The following CARHSP1 variants were observed in gnomAD, a reference collection of about 807,000 sequenced individuals.
The protein encoded by CARHSP1 is calcium regulated heat stable protein 1.
In CARHSP1, 14 loss-of-function variants were observed where a neutral mutation model predicts 12.5. That is an observed-to-expected ratio of 1.12 (90% CI 0.74 to 1.75). The LOEUF (loss-of-function observed/expected upper bound fraction) is 1.75, where lower values mean the gene tolerates loss of function less well. CARHSP1 is among the 40% of genes most tolerant of loss of function. The pLI is 0.00. For missense variants in CARHSP1, 343 were observed against 201.6 expected, an observed-to-expected ratio of 1.70 and a Z score of -4.25; for synonymous variants, 161 against 82.0, an observed-to-expected ratio of 1.96 and a Z score of -5.20.
At chr16:8,858,879 A>T (rs1596532945) in intron 2 of CARHSP1, 1 of 414,612 alleles carries the variant, frequency 2.4e-6, no homozygotes, top group East Asian at 3.9e-5. Context: ...CAGAATTCAC[A>T]GTCTCACAGG....
At chr16:8,860,153 G>A (rs1416907560) in intron 1 of CARHSP1, 4 of 985,348 alleles carry the variant, frequency 4.1e-6, no homozygotes, top group Non-Finnish European at 4.8e-6. Flanking sequence ...GTCGCAGAGA[G>A]CTCAAGCGCC....
At chr16:8,861,423 C>G (rs75831927) in intron 1 of CARHSP1, among the ~76,000 whole-genome samples, 6,907 of 151,832 alleles carry the variant, frequency 0.045, 230 homozygotes, top group Middle Eastern at 0.14. Context: ...TTTGCCCCCC[C>G]AGTCCCCTCA....
At position 8,861,158 on chromosome 16, in the gene CARHSP1, ATTTTTTTTTTTTTTTTTTTTTTTT is replaced by A. The variant is rs765114977; in HGVS notation, c.-7-1847_-7-1824del. 6.0e-4 allele frequency among the ~76,000 whole-genome samples: 31 copies of A among 51,270 alleles called. No individual in the cohort carries two copies. In the East Asian group the frequency reaches 9.6e-3, roughly 16 times the overall value. 33.6% of individuals were successfully genotyped at this position (51,270 alleles called of 152,430 possible). On this transcript the variant is annotated intron_variant, in intron 1 of 3. Transcript: ENST00000311052. ...ACTGTAGCCTTGACCTCCATGCCTA[ATTTTTTTTTTTTTTTTTTTTTTTT>A]TTTTTTTTTTTTTTTTTATAGAGAC...
chr16:8,863,804 G>A (rs1022153563), intron 1 of CARHSP1, among the ~76,000 whole-genome samples: 20 of 152,188 alleles, frequency 1.3e-4, no homozygotes, highest in African/African-American at 4.6e-4. Flanking sequence ...AGCCAGCTCT[G>A]AGGCCCTGGC....
chr16:8,860,536 G>GGTAA (rs1355092380), intron 1 of CARHSP1: 4 of 985,238 alleles, frequency 4.1e-6, no homozygotes, highest in East Asian at 1.1e-4. Flanking sequence ...GAGGCCCTTG[G>GGTAA]GTAAGTCCTT....
At chr16:8,858,164 T>G (rs2061210398) in intron 3 of CARHSP1, 186 bp downstream of exon 3, 1 of 658,038 alleles carries the variant, frequency 1.5e-6, no homozygotes. Context: ...CTCCGTAGAG[T>G]CTCACAACCC....
At chr16:8,868,915 G>A (rs1473145713) in intron 1 of CARHSP1, 51 bp downstream of exon 1, 2 of 151,990 alleles carry the variant, frequency 1.3e-5, no homozygotes, top group Admixed American at 6.5e-5. Flanking sequence ...CGGCTCCCGG[G>A]GCCGCGGGCC....
In CARHSP1 at chr16:8,859,186, G is replaced by A. The variant is rs368082559; in HGVS notation, c.143C>T (p.Thr48Met). ...VVPSPLPTRR[T>M]RTFSATVRAS... The stretch of plus-strand genomic sequence containing the variant: ...CCAGACTCACGCCGAGAAGGTCCTC[G>A]TCCGGCGAGTGGGCAGTGGGCTTGG... Residue 48 changes from threonine to methionine, a missense_variant, in exon 2 of 4, where the codon ACG (threonine) becomes ATG (methionine). Transcript: ENST00000311052. The A allele has an allele frequency of 5.8e-5, 93 of 1,600,934 alleles. 1 individual carries two copies. Among genetic ancestry groups the A allele is most frequent in the South Asian group, 5.7e-4 (51 of 89,516 alleles).
At chr16:8,857,269 T>TGTTTTTTGTTTTTG (rs756868301) in intron 3 of CARHSP1, among the ~76,000 whole-genome samples, 1 of 29,954 alleles carries the variant, frequency 3.3e-5, no homozygotes, top group South Asian at 1.2e-3. Flanking sequence ...ATCTGTTTTT[T>TGTTTTTTGTTTTTG]TTTTTTTTTT....
rs369859298 is a variant in CARHSP1 at position 8,858,425 on chromosome 16, C to A, written c.206G>T (p.Cys69Phe). The A allele has an allele frequency of 6.2e-7, 1 of 1,613,926 alleles. No individual in the cohort carries two copies. Among genetic ancestry groups the A allele is most frequent in the African/African-American group, 1.3e-5 (1 of 74,898 alleles). Residue 69 changes from cysteine to phenylalanine, a missense_variant, in exon 3 of 4, where the codon TGC becomes TTC. Cys to Phe is a radical substitution (Grantham distance 205). Coordinates refer to ENST00000311052, the MANE Select transcript of CARHSP1 (RefSeq NM_014316.4). ...GCCATGGCCCTTGGACCGGCAGAAG[C>A]ATTTGCAGACTCCTTTGTAGACGGG... ...QGPVYKGVCKCFCRSKGHGFI... is the reference protein window; with the variant it reads ...QGPVYKGVCKFFCRSKGHGFI...
chr16:8,863,771 G>C (rs1209436614), intron 1 of CARHSP1, among the ~76,000 whole-genome samples: 3 of 152,264 alleles, frequency 2.0e-5, no homozygotes, highest in African/African-American at 7.2e-5. Context: ...AACAACTGGG[G>C]GGCGGGTAAC....
intron 3 of CARHSP1, among the ~76,000 whole-genome samples, chr16:8,857,133 C>T (rs997314524): frequency 1.3e-5 from 2 of 152,142 alleles, no homozygotes; most frequent in Non-Finnish European, 2.9e-5. Context: ...CTCGGACTCA[C>T]CCCAGCAGTC....
intron 1 of CARHSP1, among the ~76,000 whole-genome samples, chr16:8,862,810 G>GTCA (rs898390644): frequency 2.9e-4 from 44 of 152,214 alleles, no homozygotes; most frequent in Non-Finnish European, 4.7e-4. Flanking sequence ...ATCATGCCGC[G>GTCA]TCATCATCAT....
At chr16:8,863,420 C>A (rs1198718884) in intron 1 of CARHSP1, among the ~76,000 whole-genome samples, 1 of 152,188 alleles carries the variant, frequency 6.6e-6, no homozygotes, top group Non-Finnish European at 1.5e-5. Context: ...GCTTCCAAGC[C>A]TCATTCTTTG....
At chr16:8,857,273 T>TTTTTTTTTTG (rs2061157065) in intron 3 of CARHSP1, among the ~76,000 whole-genome samples, 1 of 45,530 alleles carries the variant, frequency 2.2e-5, no homozygotes, top group Non-Finnish European at 4.3e-5. Flanking sequence ...GTTTTTTTTT[T>TTTTTTTTTTG]TTTTTTTTTT....
At chr16:8,863,112 CTTTTTTTTTTTT>C (rs71155412) in intron 1 of CARHSP1, among the ~76,000 whole-genome samples, 5 of 74,146 alleles carry the variant, frequency 6.7e-5, no homozygotes, top group South Asian at 5.9e-4. Flanking sequence ...ACAAGGATGG[CTTTTTTTTTTTT>C]TTTTTTTTTT....
Position 8,859,307 on chromosome 16 carries a change from G to A in CARHSP1, c.22C>T (p.Pro8Ser), listed in dbSNP as rs376610002. The stretch of plus-strand genomic sequence containing the variant: ...GCTTGATGGGTGGGGGGCTGTGGTG[G>A]TGGGGGAGGCTCAGATGACATGGCT... MSSEPPP[P>S]PQPPTHQASV... The change falls in exon 2 of 4, where the codon CCA (proline) becomes TCA (serine). Residue 8 changes from proline to serine, a missense_variant. By Grantham distance (74) the Pro-to-Ser change is moderately conservative. Transcript: ENST00000311052. 7 of 1,602,708 alleles carry A rather than the reference G, an allele frequency of 4.4e-6. No homozygotes were observed. Among genetic ancestry groups the A allele is most frequent in the Admixed American group, 1.7e-5 (1 of 58,908 alleles).
rs777272462 is a variant in CARHSP1, at chr16:8,858,394, A to G, written c.237T>C (p.Ile79=). 1 of 1,614,092 alleles carries G rather than the reference A, an allele frequency of 6.2e-7. No individual in the cohort carries two copies. Among genetic ancestry groups the G allele is most frequent in the East Asian group, 2.2e-5 (1 of 44,886 alleles). ...TGTCGGGGCCGCCATCAGCTGGAGTAATGAAGCCATGGCCCTTGGACCGGC... is the reference window on the plus strand; with the variant it reads ...TGTCGGGGCCGCCATCAGCTGGAGTGATGAAGCCATGGCCCTTGGACCGGC... ...CFCRSKGHGF[I]TPADGGPDIF... is the part of the protein sequence containing the mutation. Residue 79 remains isoleucine (I), a synonymous_variant, in exon 3 of 4, where the codon ATT becomes ATC. Transcript: ENST00000311052.
intron 2 of CARHSP1, chr16:8,858,872 A>T: frequency 2.4e-6 from 1 of 411,266 alleles, no homozygotes; most frequent in Middle Eastern, 6.4e-4. Context: ...GCAGCTGCAG[A>T]ATTCACAGTC....
Sources: gnomAD v4.1 joint callset for allele counts (sites outside exome capture counted in the v4.1 genomes callset) on GRCh38, gnomAD v4.1.1 for gene constraint, MANE v1.5 for transcripts, NCBI Gene and HGNC (gene_info 2026-07-23, HGNC 2026-07-21) for gene names.